The following CDH12 variants were observed in gnomAD, a reference collection of about 807,000 sequenced individuals.
CDH12 encodes cadherin-12.
A neutral mutation model predicts 74.1 loss-of-function variants in CDH12; 41 were observed. The ratio of observed to expected loss-of-function variants is 0.55; its 90% CI spans 0.43 to 0.72. The LOEUF (loss-of-function observed/expected upper bound fraction) is 0.72, where lower values mean the gene tolerates loss of function less well. Among genes scored for constraint, CDH12 ranks in the 30% least tolerant of loss-of-function variants. CDH12 has a pLI of 0.00. For synonymous variants in CDH12, 399 were observed against 355.0 expected, an observed-to-expected ratio of 1.12 and a Z score of -1.39; for missense variants, 945 against 977.2, an observed-to-expected ratio of 0.97 and a Z score of 0.44.
At chr5:21,786,462 A>G (rs1478116661) in intron 10 of CDH12, among the ~76,000 whole-genome samples, 1 of 151,964 alleles carries the variant, frequency 6.6e-6, no homozygotes, top group African/African-American at 2.4e-5. Flanking sequence ...GGTTTACTAA[A>G]TATTTTAAGT....
At chr5:22,696,253 C>A (rs1742354779) in intron 1 of CDH12, among the ~76,000 whole-genome samples, 1 of 151,566 alleles carries the variant, frequency 6.6e-6, no homozygotes, top group Non-Finnish European at 1.5e-5. Context: ...CACCTGTAGT[C>A]CCAGCTACTC....
chr5:22,376,521 A>G, intron 3 of CDH12, among the ~76,000 whole-genome samples: 1 of 152,016 alleles, frequency 6.6e-6, no homozygotes, highest in Middle Eastern at 3.2e-3. Flanking sequence ...CCCTGACTTG[A>G]TCATTACACA....
intron 1 of CDH12, among the ~76,000 whole-genome samples, chr5:22,525,475 CAAGAGAGAGAGA>C (rs1485016092): frequency 8.4e-6 from 1 of 118,854 alleles, no homozygotes; most frequent in African/African-American, 3.2e-5. Context: ...AGAGAGAGAG[CAAGAGAGAGAGA>C]AAGAGAGAGA....
intron 3 of CDH12, among the ~76,000 whole-genome samples, chr5:22,236,105 T>G (rs1436957471): frequency 6.6e-6 from 1 of 152,226 alleles, no homozygotes; most frequent in African/African-American, 2.4e-5. Flanking sequence ...GACTGGGGCT[T>G]GTAGAACTGA....
chr5:22,697,167 A>G (rs529640431), intron 1 of CDH12, among the ~76,000 whole-genome samples: 2 of 152,286 alleles, frequency 1.3e-5, no homozygotes, highest in Admixed American at 1.3e-4. Flanking sequence ...TGAAACAGTA[A>G]AGCAGATGAT....
intron 11 of CDH12, among the ~76,000 whole-genome samples, chr5:21,770,266 T>G (rs935744111): frequency 6.6e-6 from 1 of 152,196 alleles, no homozygotes; most frequent in Non-Finnish European, 1.5e-5. Context: ...CTTGTTAGAT[T>G]AAAATACACT....
chr5:21,964,126 C>G (rs1213054021), intron 6 of CDH12, among the ~76,000 whole-genome samples: 1 of 151,884 alleles, frequency 6.6e-6, no homozygotes, highest in Non-Finnish European at 1.5e-5. Context: ...AAATGCCCTT[C>G]TTAGGTGACT....
chr5:22,414,056 TTG>T (rs1429634534), intron 2 of CDH12, among the ~76,000 whole-genome samples: 5 of 152,164 alleles, frequency 3.3e-5, no homozygotes, highest in Admixed American at 1.3e-4. Context: ...TGTTTATAAT[TTG>T]TGTGAGTACA....
At chr5:21,758,852 C>A (rs1227851778) in intron 13 of CDH12, among the ~76,000 whole-genome samples, 3 of 152,152 alleles carry the variant, frequency 2.0e-5, no homozygotes, top group South Asian at 4.1e-4. Flanking sequence ...TTATCCTAAG[C>A]AAATTGATAC....
intron 2 of CDH12, among the ~76,000 whole-genome samples, chr5:22,489,629 T>G (rs1746777417): frequency 6.6e-6 from 1 of 151,966 alleles, no homozygotes; most frequent in Non-Finnish European, 1.5e-5. Context: ...TGCAATTTTA[T>G]AGCTGTAAAT....
At chr5:22,459,160 T>G (rs570021276) in intron 2 of CDH12, among the ~76,000 whole-genome samples, 1 of 152,248 alleles carries the variant, frequency 6.6e-6, no homozygotes, top group South Asian at 2.1e-4. Flanking sequence ...CTACCACTCA[T>G]GTTTTAGTTT....
At chr5:22,096,449 C>A (rs551825968) in intron 4 of CDH12, among the ~76,000 whole-genome samples, 1 of 152,194 alleles carries the variant, frequency 6.6e-6, no homozygotes, top group Admixed American at 6.5e-5. Flanking sequence ...CTGAGTCTTT[C>A]TAATCTTCCT....
chr5:22,139,290 C>T (rs1435271344), intron 4 of CDH12: 3 of 148,758 alleles, frequency 2.0e-5, no homozygotes, highest in African/African-American at 7.5e-5. Flanking sequence ...GCCATTGCTC[C>T]ATTGGCAAAT....
intron 1 of CDH12, among the ~76,000 whole-genome samples, chr5:22,670,768 A>C (rs1219328171): frequency 6.6e-6 from 1 of 152,048 alleles, no homozygotes; most frequent in Non-Finnish European, 1.5e-5. Flanking sequence ...CACTTTCCTC[A>C]GTAACGTAGG....
chr5:22,064,636 A>G (rs1741435956), intron 5 of CDH12, among the ~76,000 whole-genome samples: 1 of 152,184 alleles, frequency 6.6e-6, no homozygotes, highest in Non-Finnish European at 1.5e-5. Context: ...GAAGCTCATA[A>G]CATAATATTT....
intron 1 of CDH12, among the ~76,000 whole-genome samples, chr5:22,846,532 A>G (rs1737311574): frequency 6.6e-6 from 1 of 152,254 alleles, no homozygotes; most frequent in African/African-American, 2.4e-5. Flanking sequence ...ATGAAAGAAT[A>G]AAACCAGAAA....
intron 5 of CDH12, among the ~76,000 whole-genome samples, chr5:22,075,841 C>T (rs1425250727): frequency 4.6e-5 from 7 of 152,022 alleles, no homozygotes; most frequent in Admixed American, 4.6e-4. Flanking sequence ...TGCATTAGCC[C>T]TTTTCCTTTG....
At chr5:22,535,180 G>T (rs1737783645) in intron 1 of CDH12, among the ~76,000 whole-genome samples, 1 of 124,858 alleles carries the variant, frequency 8.0e-6, no homozygotes, top group Non-Finnish European at 1.6e-5. Context: ...TTTTTGAGAC[G>T]GGGTCTTGCT....
intron 1 of CDH12, among the ~76,000 whole-genome samples, chr5:22,526,899 T>C (rs557836720): frequency 3.2e-4 from 49 of 152,222 alleles, no homozygotes; most frequent in African/African-American, 1.1e-3. Context: ...CTGCTGAGTA[T>C]GTGTATTCCA....
Sources: gnomAD v4.1 joint callset for allele counts (sites outside exome capture counted in the v4.1 genomes callset) on GRCh38, gnomAD v4.1.1 for gene constraint, MANE v1.5 for transcripts, NCBI Gene and HGNC (gene_info 2026-07-23, HGNC 2026-07-21) for gene names.